The following INO80D variants were observed in gnomAD, a reference collection of about 807,000 sequenced individuals.
INO80D encodes INO80 complex subunit D.
Under a neutral mutation model 87.6 loss-of-function variants are expected in INO80D, and 21 were observed. The observed-to-expected ratio is 0.24, with a 90% CI of 0.17 to 0.35. The LOEUF is 0.35. INO80D is among the 10% of genes least tolerant of loss of function. INO80D has a pLI of 1.00. For missense variants in INO80D, 982 were observed against 1,280.7 expected (o/e 0.77, Z 3.56); for synonymous variants, 440 against 491.0 (o/e 0.90, Z 1.37).
chr2:206,030,948 A>G (rs1022696526), intron 5 of INO80D, among the ~76,000 whole-genome samples: 2 of 152,192 alleles, frequency 1.3e-5, no homozygotes, highest in African/African-American at 4.8e-5. Flanking sequence ...AAGGAGCAGG[A>G]CTGGAGAGCA....
chr2:206,066,813 A>AG (rs1474772616), intron 1 of INO80D, among the ~76,000 whole-genome samples: 3 of 151,800 alleles, frequency 2.0e-5, no homozygotes, highest in Non-Finnish European at 4.4e-5. Context: ...ACAAAAAAAA[A>AG]AAAAAGAAAA....
At position 206,061,034 on chromosome 2, in the gene INO80D, T is replaced by C. The variant is rs552648872; in HGVS notation, c.218+1765A>G. 5.3e-5 allele frequency among the ~76,000 whole-genome samples: 8 copies of C among 151,884 alleles called. No individual in the cohort carries two copies. In the South Asian group the frequency reaches 1.5e-3, roughly 28 times the overall value. On this transcript the variant is annotated intron_variant, in intron 3 of 10. Coordinates refer to ENST00000403263, the MANE Select transcript of INO80D (RefSeq NM_017759.5). ...TTGAATTCTTGCCTTTTTTTTTAGA[T>C]AGGGGGTCTTGTTCAGTTGCCCAAG...
At position 205,994,747 on chromosome 2, in the gene INO80D, T is replaced by C. The variant is rs1687777617; in HGVS notation, c.*9621A>G. On this transcript the variant is annotated 3_prime_UTR_variant, in exon 11 of 11. Transcript: ENST00000403263. ...GCTGCCAACTCTTCACAAAATAAAATAATATTTAATCGTTCTTCCTTAATA... is the reference window on the plus strand; with the variant it reads ...GCTGCCAACTCTTCACAAAATAAAACAATATTTAATCGTTCTTCCTTAATA... The C allele has an allele frequency of 6.6e-6, 1 of 152,002 alleles. No homozygotes were observed. Among genetic ancestry groups the C allele is most frequent in the Non-Finnish European group, 1.5e-5 (1 of 68,008 alleles). 9.4% of individuals were successfully genotyped at this position (152,002 alleles called of 1,614,324 possible). A position where few individuals can be genotyped will look rare whatever the true frequency, so the allele number is the denominator to read the frequency against.
intron 4 of INO80D, among the ~76,000 whole-genome samples, chr2:206,051,976 C>A (rs1443331673): frequency 2.0e-5 from 3 of 152,128 alleles, no homozygotes; most frequent in African/African-American, 7.2e-5. Flanking sequence ...CCATGCCTCG[C>A]AGTTGTAAAG....
intron 1 of INO80D, chr2:206,084,703 G>C (rs1428964571): frequency 6.6e-6 from 1 of 152,432 alleles, no homozygotes; most frequent in Non-Finnish European, 1.5e-5. Context: ...CGCCGGAGCT[G>C]TCCAGAAGGG....
chr2:206,078,061 CAAAAAAAAA>C (rs71410859), intron 1 of INO80D, among the ~76,000 whole-genome samples: 73 of 63,058 alleles, frequency 1.2e-3, no homozygotes, highest in African/African-American at 1.6e-3. Flanking sequence ...GCAATGTTTA[CAAAAAAAAA>C]AAAAAAAAAA....
intron 4 of INO80D, among the ~76,000 whole-genome samples, chr2:206,050,266 G>A (rs1414069863): frequency 2.6e-5 from 4 of 151,916 alleles, no homozygotes; most frequent in Admixed American, 2.6e-4. Context: ...GCCGAGGCGG[G>A]CAGATCACAA....
Position 205,998,056 on chromosome 2 carries a change from G to A in INO80D, c.*6312C>T, listed in dbSNP as rs1687839756. On this transcript the variant is annotated 3_prime_UTR_variant, in exon 11 of 11. Coordinates refer to ENST00000403263, the MANE Select transcript of INO80D (RefSeq NM_017759.5). ...ATAAAAAGTTCCTGAATAAGACACTGAGAACATCTAGATTTATTATTTTCT... is the reference window on the plus strand; with the variant it reads ...ATAAAAAGTTCCTGAATAAGACACTAAGAACATCTAGATTTATTATTTTCT... 6.6e-6 allele frequency: 1 copy of A among 152,156 alleles called. No homozygotes were observed. Among genetic ancestry groups the A allele is most frequent in the African/African-American group, 2.4e-5 (1 of 41,436 alleles). 9.4% of individuals were successfully genotyped at this position (152,156 alleles called of 1,614,324 possible). A position where few individuals can be genotyped will look rare whatever the true frequency, so the allele number is the denominator to read the frequency against.
intron 10 of INO80D, 111 bp from the exon 11 acceptor site, chr2:206,005,644 G>T: frequency 1.1e-6 from 1 of 877,484 alleles, no homozygotes; most frequent in Non-Finnish European, 1.7e-6. Context: ...AGTCCCTCTT[G>T]AAAAGAAAAG....
chr2:206,078,657 A>G (rs950582782), intron 1 of INO80D, among the ~76,000 whole-genome samples: 1 of 151,818 alleles, frequency 6.6e-6, no homozygotes, highest in Non-Finnish European at 1.5e-5. Flanking sequence ...ACAAAAAAAG[A>G]AAAAGACAGC....
chr2:206,021,065 C>G (rs1688451524), intron 6 of INO80D, among the ~76,000 whole-genome samples: 1 of 152,104 alleles, frequency 6.6e-6, no homozygotes, highest in Admixed American at 6.6e-5. Flanking sequence ...CAAAACCTAT[C>G]CCATCTACGT....
rs1303702412 is a variant in INO80D, at chr2:205,999,524, T to A, written c.*4844A>T. 6.6e-6 allele frequency: 1 copy of A among 152,084 alleles called. No homozygotes were observed. Among genetic ancestry groups the A allele is most frequent in the African/African-American group, 2.4e-5 (1 of 41,426 alleles). 9.4% of individuals were successfully genotyped at this position (152,084 alleles called of 1,614,324 possible). A position where few individuals can be genotyped will look rare whatever the true frequency, so the allele number is the denominator to read the frequency against. ...CTCTGAAACGTCACATTTCCTCTTATTAGCTCTGTATCACAGTGCAGAGAA... is the reference window on the plus strand; with the variant it reads ...CTCTGAAACGTCACATTTCCTCTTAATAGCTCTGTATCACAGTGCAGAGAA... On this transcript the variant is annotated 3_prime_UTR_variant, in exon 11 of 11. Transcript: ENST00000403263.
At position 206,063,143 on chromosome 2, in the gene INO80D, A is replaced by G. The variant is rs1689729899; in HGVS notation, c.-30+8T>C. On this transcript the variant is annotated splice_region_variant and intron_variant, in intron 2 of 10. Coordinates refer to ENST00000403263, the MANE Select transcript of INO80D (RefSeq NM_017759.5). ...TTCACTGAGGGACTTCTGGCCCCACAGCCATACCTGATTTTAAATCTTCTG... is the reference window on the plus strand; with the variant it reads ...TTCACTGAGGGACTTCTGGCCCCACGGCCATACCTGATTTTAAATCTTCTG... The G allele has an allele frequency of 2.9e-6, 2 of 683,040 alleles. No individual in the cohort carries two copies. The highest frequency in any genetic ancestry group is 5.6e-5 in the Admixed American group (2 of 35,890). The allele number at this position is 683,040 out of a possible 1,614,324, so 42.3% of individuals were successfully genotyped here.
intron 4 of INO80D, among the ~76,000 whole-genome samples, chr2:206,050,926 G>A (rs544921338): frequency 6.6e-6 from 1 of 151,902 alleles, no homozygotes; most frequent in Admixed American, 6.6e-5. Context: ...CCGAGATCCC[G>A]CCACTGCACT....
intron 1 of INO80D, among the ~76,000 whole-genome samples, chr2:206,071,937 C>T (rs994427606): frequency 6.6e-6 from 1 of 152,068 alleles, no homozygotes; most frequent in Non-Finnish European, 1.5e-5. Flanking sequence ...TACTTCTCTT[C>T]ACATGACCAA....
rs901151544 is a variant in INO80D, at chr2:205,996,119, C to T, written c.*8249G>A. ...CAAATTTGTTTTATTTGAAGGTTGG[C>T]TTTCTGTTTGTTTTTGAGACAAAGA... is the stretch of plus-strand genomic sequence containing the variant. On this transcript the variant is annotated 3_prime_UTR_variant, in exon 11 of 11. Transcript: ENST00000403263. 8.6e-5 allele frequency: 13 copies of T among 151,984 alleles called. No homozygotes were observed. Among genetic ancestry groups the T allele is most frequent in the African/African-American group, 2.4e-4 (10 of 41,398 alleles). 9.4% of individuals were successfully genotyped at this position (151,984 alleles called of 1,614,324 possible). A position where few individuals can be genotyped will look rare whatever the true frequency, so the allele number is the denominator to read the frequency against.
intron 1 of INO80D, among the ~76,000 whole-genome samples, chr2:206,079,233 T>C (rs887299065): frequency 6.6e-6 from 1 of 152,034 alleles, no homozygotes; most frequent in Non-Finnish European, 1.5e-5. Flanking sequence ...CTACCACACC[T>C]GGCTAATTTT....
intron 5 of INO80D, among the ~76,000 whole-genome samples, chr2:206,031,282 T>TATG (rs1235049923): frequency 6.7e-6 from 1 of 150,222 alleles, no homozygotes; most frequent in South Asian, 2.1e-4. Flanking sequence ...AAAAGACATA[T>TATG]AAGGGCCATT....
chr2:206,055,142 T>G lies in INO80D; in HGVS notation c.964+1056A>C, dbSNP rs376071275. Reference sequence around the variant, plus strand: ...TATTGACTATTCATATCTCTTCACGTTCTATCTTTGCTCATATTTCTATTG... The same window carrying G: ...TATTGACTATTCATATCTCTTCACGGTCTATCTTTGCTCATATTTCTATTG... On this transcript the variant is annotated intron_variant, in intron 4 of 10. Coordinates refer to ENST00000403263, the MANE Select transcript of INO80D (RefSeq NM_017759.5). Among the ~76,000 whole-genome samples the G allele has an allele frequency of 1.3e-4, 20 of 152,338 alleles. No homozygotes were observed. In the East Asian group the frequency reaches 3.3e-3, roughly 25 times the overall value.
Sources: gnomAD v4.1 joint callset for allele counts (sites outside exome capture counted in the v4.1 genomes callset) on GRCh38, gnomAD v4.1.1 for gene constraint, MANE v1.5 for transcripts, NCBI Gene and HGNC (gene_info 2026-07-23, HGNC 2026-07-21) for gene names.